Variants in TTN observed in about 807,000 individuals in gnomAD.
TTN encodes connectin.
A neutral mutation model predicts 3,223.0 loss-of-function variants in TTN; 1,525 were observed. The ratio of observed to expected loss-of-function variants is 0.47; its 90% CI spans 0.45 to 0.49. The LOEUF (loss-of-function observed/expected upper bound fraction) is 0.49. Ranked by LOEUF, TTN falls within the 20% of genes least tolerant of loss-of-function variation. The pLI is 0.00. For missense variants in TTN, 40,786 were observed against 43,424.0 expected (o/e 0.94, Z 5.40); for synonymous variants, 14,094 against 15,161.0 (o/e 0.93, Z 5.17).
rs2050915720 is a variant in TTN, at chr2:178,594,240, G to T, written c.58153C>A (p.Pro19385Thr). The change falls in exon 297 of 363, where the codon CCC becomes ACC. Residue 19385 changes from proline to threonine, a missense_variant and splice_region_variant. Coordinates refer to ENST00000589042, the MANE Select transcript of TTN (RefSeq NM_001267550.2). ...KPITCKDELA[P>T]PTLHLDFRDK... ...CTGAAGTCGAGGTGAAGCGTTGGGG[G>T]TGCTAAAATTTGTAATTATAAAGGC... The T allele has an allele frequency of 6.2e-7, 1 of 1,603,336 alleles. No homozygotes were observed. Among genetic ancestry groups the T allele is most frequent in the Non-Finnish European group, 8.5e-7 (1 of 1,177,364 alleles).
chr2:178,533,526 G>A lies in TTN; in HGVS notation c.103089C>T (p.Pro34363=), dbSNP rs1393600349. Residue 34363 remains proline, a synonymous_variant, in exon 358 of 363, where the codon CCC becomes CCT. Transcript: ENST00000589042. ...CATTTGCCAGTAACCTTTTGAACAT[G>A]GGTCTTAAGGTACTATCTGTTGGAG... ...HPPPTDSTLR[P]MFKRLLANAE... The A allele has an allele frequency of 1.2e-6, 2 of 1,613,690 alleles. No individual in the cohort carries two copies. The highest frequency in any genetic ancestry group is 1.7e-6 in the Non-Finnish European group (2 of 1,179,688).
At chr2:178,799,289 C>T (rs1411783176) in intron 6 of TTN, 198 bp downstream of exon 6, 2 of 756,462 alleles carry the variant, frequency 2.6e-6, no homozygotes, top group Non-Finnish European at 4.2e-6. Context: ...GACACACAAG[C>T]GGCTGGATGT....
rs1280998144 is a variant in TTN, at chr2:178,774,806, T to C, written c.6790+115A>G. ...TTTATGATTCTGGCTATGAAACTTA[T>C]AGTCAATTTCCAAATAATTGTTTCA... is the stretch of plus-strand genomic sequence containing the variant. On this transcript the variant is annotated intron_variant, in intron 29 of 362. Transcript: ENST00000589042. The C allele has an allele frequency of 6.6e-6, 8 of 1,206,002 alleles. No homozygotes were observed. The South Asian group carries it at 6.9e-5, about 10-fold the overall frequency. The allele number at this position is 1,206,002 out of a possible 1,614,324, so 74.7% of individuals were successfully genotyped here.
Position 178,713,202 on chromosome 2 carries a change from C to G in TTN, c.26932G>C (p.Asp8978His), listed in dbSNP as rs773744166. The G allele has an allele frequency of 1.2e-6, 2 of 1,613,698 alleles. No individual in the cohort carries two copies. The highest frequency in any genetic ancestry group is 3.3e-5 in the Admixed American group (2 of 59,972). ...SGRKYQTTLT[D>H]NTCALTVNML... Reference sequence around the variant, plus strand: ...TTCACAGTTAAAGCACAAGTATTATCTGTCAGGGTGGTCTGGTATTTCCTT... The same window carrying G: ...TTCACAGTTAAAGCACAAGTATTATGTGTCAGGGTGGTCTGGTATTTCCTT... Residue 8978 changes from aspartate (D) to histidine (H), a missense_variant, in exon 93 of 363, where the codon GAT becomes CAT. Asp to His is a moderately conservative substitution (Grantham distance 81, BLOSUM62 -1). Transcript: ENST00000589042.
chr2:178,751,584 A>T lies in TTN; in HGVS notation c.11311+1540T>A, dbSNP rs892620057. The T allele has an allele frequency of 5.0e-6, 8 of 1,613,032 alleles. No homozygotes were observed. The African/African-American group carries it at 9.4e-5, about 19-fold the overall frequency. ...TCTGCTCTTTTCAGAAATTCTAAAT[A>T]TTTCTCATCTTGCCCTTTTTGGATA... On this transcript the variant is annotated intron_variant, in intron 47 of 362. Coordinates refer to ENST00000589042, the MANE Select transcript of TTN (RefSeq NM_001267550.2).
rs368121196 is a variant in TTN at position 178,794,433 on chromosome 2, G to A, written c.1364C>T (p.Thr455Met). The change falls in exon 8 of 363, where the codon ACG becomes ATG. Residue 455 changes from threonine to methionine, a missense_variant. Physicochemically the swap from Thr to Met is moderately conservative, Grantham distance 81. Transcript: ENST00000589042. The part of the protein sequence containing the change: ...AVEQTAQRTT[T>M]TAVHIQPAQE... ...AGCAGGTTGGATGTGCACAGCAGTCGTGGTTGTCCTCTGAGCAGTCTGCTC... is the reference window on the plus strand; with the variant it reads ...AGCAGGTTGGATGTGCACAGCAGTCATGGTTGTCCTCTGAGCAGTCTGCTC... 61 of 1,614,028 alleles carry A rather than the reference G, an allele frequency of 3.8e-5. No individual in the cohort carries two copies. The highest frequency in any genetic ancestry group is 3.3e-4 in the Middle Eastern group (2 of 6,084).
rs1015857991 is a variant in TTN at position 178,729,433 on chromosome 2, G to C, written c.18723C>G (p.Ser6241Arg). The C allele has an allele frequency of 4.3e-6, 7 of 1,613,486 alleles. No individual in the cohort carries two copies. The highest frequency in any genetic ancestry group is 4.0e-5 in the African/African-American group (3 of 74,880). ...TWLKNNREIR[S>R]SKKYTLTDRV... ...TGTCGGTCAATGTGTATTTTTTGCTGCTTCGAATTTCCCTGTTATTCTTCA... is the reference window on the plus strand; with the variant it reads ...TGTCGGTCAATGTGTATTTTTTGCTCCTTCGAATTTCCCTGTTATTCTTCA... The change falls in exon 64 of 363, where the codon AGC (serine) becomes AGG (arginine). Residue 6241 changes from serine to arginine, a missense_variant. Coordinates refer to ENST00000589042, the MANE Select transcript of TTN (RefSeq NM_001267550.2).
chr2:178,681,515 A>C, intron 136 of TTN, 65 bp from the exon 137 acceptor site: 2 of 1,511,806 alleles, frequency 1.3e-6, no homozygotes, highest in Non-Finnish European at 1.8e-6. Context: ...TAGCAAGAAC[A>C]AAAAGTTAAG....
rs1480681077 is a variant in TTN at position 178,689,074 on chromosome 2, T to C, written c.32074A>G (p.Lys10692Glu). The C allele has an allele frequency of 6.2e-7, 1 of 1,611,958 alleles. No homozygotes were observed. The highest frequency in any genetic ancestry group is 8.5e-7 in the Non-Finnish European group (1 of 1,179,532). Residue 10692 changes from lysine to glutamate, a missense_variant, in exon 125 of 363, where the codon AAG becomes GAG. By Grantham distance (56) the Lys-to-Glu change is moderately conservative (BLOSUM62 1). Transcript: ENST00000589042. ...EKVAVPVPVA[K>E]KAPPPRAEVS... ...CTACCTCGGGGAGGAGGAGCTTTCT[T>C]AGCGACAGGAACTGGCACTGCAACT... is the stretch of plus-strand genomic sequence containing the variant.
rs2049964140 is a variant in TTN, at chr2:178,590,445, A to C, written c.61280T>G (p.Ile20427Ser). 3.7e-6 allele frequency: 6 copies of C among 1,613,022 alleles called. No homozygotes were observed. The highest frequency in any genetic ancestry group is 5.1e-6 in the Non-Finnish European group (6 of 1,179,394). The part of the protein sequence containing the change: ...QWNRINKDEL[I>S]RQCAFRVPGL... The stretch of plus-strand genomic sequence containing the variant: ...AGGTACCCTAAAGGCACATTGCCTA[A>C]TGAGTTCATCTTTATTAATCCTGTT... Residue 20427 changes from isoleucine (I) to serine (S), a missense_variant, in exon 304 of 363, where the codon ATT becomes AGT. By Grantham distance (142) the Ile-to-Ser change is moderately radical. Transcript: ENST00000589042.
rs2050166133 is a variant in TTN at position 178,591,412 on chromosome 2, C to T, written c.60313G>A (p.Val20105Met). ...GTCCACTTTGCAGTAGGAACAGGCA[C>T]ACCTCTTATAATAGCAGGGAATCTG... ...TVRFPAIIRG[V>M]PVPTAKWTTD... Residue 20105 changes from valine (V) to methionine (M), a missense_variant, in exon 304 of 363, where the codon GTG becomes ATG. Physicochemically the swap from Val to Met is conservative, Grantham distance 21. Transcript: ENST00000589042. 5 of 1,610,878 alleles carry T rather than the reference C, an allele frequency of 3.1e-6. No individual in the cohort carries two copies. Among genetic ancestry groups the T allele is most frequent in the Non-Finnish European group, 4.2e-6 (5 of 1,178,490 alleles).
At chr2:178,794,130 C>T (rs1354079916) in intron 8 of TTN, among the ~76,000 whole-genome samples, 1 of 151,230 alleles carries the variant, frequency 6.6e-6, no homozygotes, top group South Asian at 2.1e-4. Context: ...GCCTTCCTAC[C>T]TTGAATACCA....
At chr2:178,768,584 T>C in intron 38 of TTN, 89 bp downstream of exon 38, 1 of 1,582,654 alleles carries the variant, frequency 6.3e-7, no homozygotes, top group Non-Finnish European at 8.6e-7. Context: ...TATCCCACAT[T>C]TTATTTATCC....
chr2:178,741,018 G>A lies in TTN; in HGVS notation c.12215C>T (p.Ala4072Val), dbSNP rs779519911. 6.2e-7 allele frequency: 1 copy of A among 1,613,906 alleles called. No homozygotes were observed. Among genetic ancestry groups the A allele is most frequent in the East Asian group, 2.2e-5 (1 of 44,874 alleles). Residue 4072 changes from alanine (A) to valine (V), a missense_variant, in exon 48 of 363, where the codon GCA becomes GTA. Transcript: ENST00000589042. The stretch of plus-strand genomic sequence containing the variant: ...CAAAATGGTGTCTTTTACAAACGTT[G>A]CAATTTCCTGCTCTGAGTCAAGTGC... ...VEALDSEQEI[A>V]TFVKDTILKA...
At position 178,792,278 on chromosome 2, in the gene TTN, A is replaced by T. The variant is rs1574894658; in HGVS notation, c.1537-81T>A. On this transcript the variant is annotated intron_variant, in intron 9 of 362. Transcript: ENST00000589042. ...TGGTGTTTATTAAATATAACAACAT[A>T]GGAATTTGAAGATGTAAAATCCCTT... 8 of 1,395,588 alleles carry T rather than the reference A, an allele frequency of 5.7e-6. 1 individual carries two copies. In the African/African-American group the frequency reaches 5.8e-5, roughly 10 times the overall value. 86.5% of individuals were successfully genotyped at this position (1,395,588 alleles called of 1,614,324 possible).
chr2:178,697,469 A>C (rs995954716), intron 112 of TTN, among the ~76,000 whole-genome samples: 2 of 152,210 alleles, frequency 1.3e-5, no homozygotes, highest in African/African-American at 4.8e-5. Flanking sequence ...ATAAGTTAAC[A>C]TTAAGCATGA....
chr2:178,527,461 T>G lies in TTN; in HGVS notation c.107665A>C (p.Lys35889Gln), dbSNP rs760849988. ...QLESSTSKML[K>Q]AGIRGIPPKI... ...TATTGCTCACCTCTTATGCCTGCTT[T>G]AAGCATTTTACTAGTTGAGCTTTCC... The change falls in exon 362 of 363, where the codon AAA becomes CAA. Residue 35889 changes from lysine (K) to glutamine (Q), a missense_variant. Physicochemically the swap from Lys to Gln is moderately conservative, Grantham distance 53. Transcript: ENST00000589042. The G allele has an allele frequency of 3.1e-6, 5 of 1,613,620 alleles. No individual in the cohort carries two copies. In the South Asian group the frequency reaches 4.4e-5, roughly 14 times the overall value.
chr2:178,777,216 G>T lies in TTN; in HGVS notation c.4747C>A (p.Pro1583Thr), dbSNP rs1023231093. Residue 1583 changes from proline (P) to threonine (T), a missense_variant, in exon 27 of 363, where the codon CCC (proline) becomes ACC (threonine). Coordinates refer to ENST00000589042, the MANE Select transcript of TTN (RefSeq NM_001267550.2). Reference sequence around the variant, plus strand: ...TTCAACCATACAATGTCAGGGTTGGGGTTACCCGTAGCTCTGACTTTCATT... The same window carrying T: ...TTCAACCATACAATGTCAGGGTTGGTGTTACCCGTAGCTCTGACTTTCATT... ...LEMKVRATGN[P>T]NPDIVWLKNS... 3 of 1,613,920 alleles carry T rather than the reference G, an allele frequency of 1.9e-6. No individual in the cohort carries two copies. Among genetic ancestry groups the T allele is most frequent in the African/African-American group, 2.7e-5 (2 of 74,874 alleles).
chr2:178,539,383 C>T lies in TTN; in HGVS notation c.98682G>A (p.Leu32894=). 2 of 1,610,172 alleles carry T rather than the reference C, an allele frequency of 1.2e-6. No homozygotes were observed. The highest frequency in any genetic ancestry group is 1.7e-6 in the Non-Finnish European group (2 of 1,176,926). The change falls in exon 352 of 363, where the codon TTG becomes TTA. Residue 32894 remains leucine, a splice_region_variant and synonymous_variant. Transcript: ENST00000589042. The stretch of plus-strand genomic sequence containing the variant: ...TTTTGTGGTTGAAAGGGCACTTACT[C>T]AATGGTGTTTTTGGTGTGACTGGTT... ...SEEPVTPKTP[L]NPPEPPSNPP...
Sources: gnomAD v4.1 joint callset for allele counts (sites outside exome capture counted in the v4.1 genomes callset) on GRCh38, gnomAD v4.1.1 for gene constraint, MANE v1.5 for transcripts, NCBI Gene and HGNC (gene_info 2026-07-23, HGNC 2026-07-21) for gene names.